Variants in DNAI7 observed in about 807,000 individuals in gnomAD.
The protein encoded by DNAI7 is cancer susceptibility 1.
In DNAI7, 78 loss-of-function variants were observed where a neutral mutation model predicts 86.6. That is an observed-to-expected ratio of 0.90 (90% CI 0.75 to 1.09). The LOEUF is 1.09. DNAI7 is among the 50% of genes least tolerant of loss of function. The probability of loss-of-function intolerance (pLI) is 0.00; values close to 1 mark genes in which losing one functional copy is unlikely to be tolerated. For missense variants in DNAI7, 753 were observed against 810.2 expected (o/e 0.93, Z 0.86); for synonymous variants, 274 against 273.0 (o/e 1.00, Z -0.04).
chr12:25,116,289 C>T (rs879375877), intron 12 of DNAI7, among the ~76,000 whole-genome samples: 34 of 151,858 alleles, frequency 2.2e-4, no homozygotes, highest in African/African-American at 5.5e-4. Flanking sequence ...CTCTTTTTGT[C>T]GCTACATTAA....
At chr12:25,173,896 A>C (rs1214879785) in intron 2 of DNAI7, among the ~76,000 whole-genome samples, 1 of 145,596 alleles carries the variant, frequency 6.9e-6, no homozygotes, top group Non-Finnish European at 1.5e-5. Flanking sequence ...ATTCATATAT[A>C]TACCACATCA....
At chr12:25,108,223 A>G, downstream of DNAI7, 1 of 717,494 alleles carries the variant, frequency 1.4e-6, no homozygotes, top group Non-Finnish European at 2.2e-6. Flanking sequence ...CTCCCCAACT[A>G]AAATACAATG....
chr12:25,137,610 T>A (rs1417557890), intron 9 of DNAI7, among the ~76,000 whole-genome samples: 2 of 152,120 alleles, frequency 1.3e-5, no homozygotes, highest in Non-Finnish European at 2.9e-5. Flanking sequence ...ACAGAATGGA[T>A]AAGAATTCAC....
intron 2 of DNAI7, among the ~76,000 whole-genome samples, chr12:25,188,655 C>T (rs1348444721): frequency 8.2e-6 from 1 of 121,232 alleles, no homozygotes; most frequent in African/African-American, 3.3e-5. Flanking sequence ...GCCTTGGCAA[C>T]AGAGCAAGAC....
intron 6 of DNAI7, among the ~76,000 whole-genome samples, chr12:25,152,079 C>T (rs960419472): frequency 3.3e-5 from 5 of 152,152 alleles, no homozygotes; most frequent in African/African-American, 9.7e-5. Flanking sequence ...CCTAACTTGA[C>T]GTGACATAAA....
In DNAI7 at chr12:25,108,527, A is replaced by C. The variant is rs1949419258; in HGVS notation, c.*21T>G. 1 of 1,600,502 alleles carries C rather than the reference A, an allele frequency of 6.2e-7. No homozygotes were observed. The highest frequency in any genetic ancestry group is 8.5e-7 in the Non-Finnish European group (1 of 1,171,404). Reference sequence around the variant, plus strand: ...ACCATGCTTGGTTCTTCATACTTACAATACAGTTTGTAAGTGGAGGTTAGG... The same window carrying C: ...ACCATGCTTGGTTCTTCATACTTACCATACAGTTTGTAAGTGGAGGTTAGG... On this transcript the variant is annotated 3_prime_UTR_variant, in exon 16 of 16. Transcript: ENST00000395987.
rs1272683744 is a variant in DNAI7, at chr12:25,121,019, A to G, written c.1239+734T>C. Among the ~76,000 whole-genome samples, 3 of 152,196 alleles carry G rather than the reference A, an allele frequency of 2.0e-5. No homozygotes were observed. In the South Asian group the frequency reaches 6.2e-4, roughly 32 times the overall value. ...AACTGACACTAATGCTGCTGGTTCA[A>G]TGCTGTTGATTTAGGACCATATTTT... On this transcript the variant is annotated intron_variant, in intron 11 of 15. Coordinates refer to ENST00000395987, the MANE Select transcript of DNAI7 (RefSeq NM_018272.5).
Position 25,174,466 on chromosome 12 carries a change from T to TCATATATATGGGATATATATCC in DNAI7, c.22-13270_22-13269insGGATATATATCCCATATATATG, listed in dbSNP as rs1565811085. Among the ~76,000 whole-genome samples, 11 of 100,486 alleles carry TCATATATATGGGATATATATCC rather than the reference T, an allele frequency of 1.1e-4. 1 individual carries two copies. The highest frequency in any genetic ancestry group is 2.4e-4 in the East Asian group (1 of 4,182). The allele number at this position is 100,486 out of a possible 152,430, so 65.9% of individuals were successfully genotyped here. A position where few individuals can be genotyped will look rare whatever the true frequency, so the allele number is the denominator to read the frequency against. ...ATATGGGATATATATATCATATATA[T>TCATATATATGGGATATATATCC]CATATATATGGGATATATATATCAT... is the stretch of plus-strand genomic sequence containing the variant. On this transcript the variant is annotated intron_variant, in intron 2 of 15. Coordinates refer to ENST00000395987, the MANE Select transcript of DNAI7 (RefSeq NM_018272.5).
chr12:25,163,160 C>T (rs1008731137), intron 2 of DNAI7, among the ~76,000 whole-genome samples: 2 of 152,174 alleles, frequency 1.3e-5, no homozygotes, highest in Non-Finnish European at 2.9e-5. Flanking sequence ...CCAAAGTATA[C>T]AGGCAACAAA....
intron 2 of DNAI7, among the ~76,000 whole-genome samples, chr12:25,172,315 C>T (rs1592614301): frequency 6.6e-6 from 1 of 152,050 alleles, no homozygotes; most frequent in Non-Finnish European, 1.5e-5. Flanking sequence ...AGCAACCAAG[C>T]AGAGAATCAA....
At chr12:25,144,753 C>T (rs1944617654) in intron 8 of DNAI7, 76 bp from the exon 9 acceptor site, 1 of 1,080,006 alleles carries the variant, frequency 9.3e-7, no homozygotes, top group Non-Finnish European at 1.3e-6. Context: ...TATACCTAAG[C>T]AGTATTTCTC....
chr12:25,194,034 C>A (rs1363278902), intron 1 of DNAI7, among the ~76,000 whole-genome samples: 1 of 152,106 alleles, frequency 6.6e-6, no homozygotes, highest in African/African-American at 2.4e-5. Context: ...GTTGACCAGG[C>A]TGGTCTCGAA....
chr12:25,132,232 C>T (rs1943020623), intron 9 of DNAI7, among the ~76,000 whole-genome samples: 1 of 152,042 alleles, frequency 6.6e-6, no homozygotes, highest in African/African-American at 2.4e-5. Flanking sequence ...AGAGTATAGA[C>T]AGTAAAAAAA....
At chr12:25,115,030 C>T (rs1344979351) in intron 12 of DNAI7, among the ~76,000 whole-genome samples, 160 bp from the exon 13 acceptor site, 1 of 152,216 alleles carries the variant, frequency 6.6e-6, no homozygotes, top group Admixed American at 6.5e-5. Flanking sequence ...TTTCCCCTGA[C>T]TACAGGATCA....
At chr12:25,133,563 C>T (rs149327571) in intron 9 of DNAI7, among the ~76,000 whole-genome samples, 19 of 152,310 alleles carry the variant, frequency 1.2e-4, no homozygotes, top group African/African-American at 3.8e-4. Flanking sequence ...AAGATGGCTT[C>T]CCCCTCCTGC....
At chr12:25,163,966 A>C (rs2141058873) in intron 2 of DNAI7, among the ~76,000 whole-genome samples, 1 of 152,314 alleles carries the variant, frequency 6.6e-6, no homozygotes, top group South Asian at 2.1e-4. Flanking sequence ...TTGGGAAGAC[A>C]GTCTTCCCTT....
intron 1 of DNAI7, 34 bp downstream of exon 1, chr12:25,195,042 C>T (rs745562423): frequency 6.2e-7 from 1 of 1,614,190 alleles, no homozygotes; most frequent in Admixed American, 1.7e-5. Flanking sequence ...CAGTGGTCGC[C>T]CCTCCACCTG....
In DNAI7 at chr12:25,134,408, G is replaced by A. The variant is rs549276497; in HGVS notation, c.1002+9957C>T. On this transcript the variant is annotated intron_variant, in intron 9 of 15. Coordinates refer to ENST00000395987, the MANE Select transcript of DNAI7 (RefSeq NM_018272.5). Reference sequence around the variant, plus strand: ...GTCTCACTCTGTCGCCCAGGCTAGAGTGCAGCGGCACAATCTCGGCTCATT... The same window carrying A: ...GTCTCACTCTGTCGCCCAGGCTAGAATGCAGCGGCACAATCTCGGCTCATT... 3.1e-5 allele frequency among the ~76,000 whole-genome samples: 4 copies of A among 129,776 alleles called. No homozygotes were observed. In the East Asian group the frequency reaches 9.9e-4, roughly 32 times the overall value. 85.1% of individuals were successfully genotyped at this position (129,776 alleles called of 152,430 possible). A position where few individuals can be genotyped will look rare whatever the true frequency, so the allele number is the denominator to read the frequency against.
chr12:25,116,520 T>TCAGA (rs34903857), intron 12 of DNAI7, among the ~76,000 whole-genome samples: 103,495 of 151,560 alleles, frequency 0.68, 39,380 homozygotes, highest in East Asian at 0.99. Flanking sequence ...ATTTTTTTTT[T>TCAGA]CAGAGTTTCA....
Sources: gnomAD v4.1 joint callset for allele counts (sites outside exome capture counted in the v4.1 genomes callset) on GRCh38, gnomAD v4.1.1 for gene constraint, MANE v1.5 for transcripts, NCBI Gene and HGNC (gene_info 2026-07-23, HGNC 2026-07-21) for gene names.